PRDX6: variants seen among roughly 807,000 people sequenced by gnomAD.
PRDX6 encodes the protein peroxiredoxin-6.
In PRDX6, 13 loss-of-function variants were observed where a neutral mutation model predicts 20.0. That is an observed-to-expected ratio of 0.65 (90% CI 0.42 to 1.03). The LOEUF (loss-of-function observed/expected upper bound fraction) is 1.03, where lower values mean the gene tolerates loss of function less well. Ranked by LOEUF, PRDX6 falls within the 50% of genes least tolerant of loss-of-function variation. The probability of loss-of-function intolerance (pLI) is 0.00; values close to 1 mark genes in which losing one functional copy is unlikely to be tolerated. For missense variants in PRDX6, 203 were observed against 276.9 expected (o/e 0.73, Z 1.89); for synonymous variants, 85 against 100.8 (o/e 0.84, Z 0.94).
Position 173,487,764 on chromosome 1 carries a change from C to G in PRDX6, c.576C>G (p.Thr192=), listed in dbSNP as rs1658924173. ...KDGDSVMVLP[T]IPEEEAKKLF... ...GGGATAGTGTGATGGTCCTTCCAACCATCCCTGAAGAAGAAGCCAAAAAAC... is the reference window on the plus strand; with the variant it reads ...GGGATAGTGTGATGGTCCTTCCAACGATCCCTGAAGAAGAAGCCAAAAAAC... Residue 192 remains threonine (T), a synonymous_variant, in exon 5 of 5, where the codon ACC becomes ACG. Coordinates refer to ENST00000340385, the MANE Select transcript of PRDX6 (RefSeq NM_004905.3). The G allele has an allele frequency of 1.2e-6, 2 of 1,613,954 alleles. No homozygotes were observed. The highest frequency in any genetic ancestry group is 2.7e-5 in the African/African-American group (2 of 74,892).
intron 4 of PRDX6, 75 bp from the exon 5 acceptor site, chr1:173,487,660 T>G: frequency 6.5e-7 from 1 of 1,548,300 alleles, no homozygotes; most frequent in Non-Finnish European, 8.8e-7. Context: ...TAGCTACTTT[T>G]CTAAAGTTAA....
At chr1:173,482,021 TA>T (rs1321686167) in intron 2 of PRDX6, 1 of 152,984 alleles carries the variant, frequency 6.5e-6, no homozygotes, top group Admixed American at 6.5e-5. Flanking sequence ...CATGTCTAAC[TA>T]GGCCTCATTC....
chr1:173,477,568 C>A, intron 1 of PRDX6, 76 bp downstream of exon 1: 1 of 1,245,690 alleles, frequency 8.0e-7, no homozygotes, highest in Non-Finnish European at 1.1e-6. Context: ...TTTCTTCTCC[C>A]TGCCGTCCTC....
chr1:173,479,332 A>C (rs1037994785), intron 1 of PRDX6, among the ~76,000 whole-genome samples: 6 of 152,210 alleles, frequency 3.9e-5, no homozygotes, highest in Non-Finnish European at 8.8e-5. Flanking sequence ...CGGGAAGAGA[A>C]GTTTGAGCCT....
Position 173,486,396 on chromosome 1 carries a change from T to G in PRDX6, c.541T>G (p.Trp181Gly). 1 of 1,605,124 alleles carries G rather than the reference T, an allele frequency of 6.2e-7. No homozygotes were observed. The highest frequency in any genetic ancestry group is 8.5e-7 in the Non-Finnish European group (1 of 1,176,306). Residue 181 changes from tryptophan to glycine, a missense_variant, in exon 4 of 5, where the codon TGG becomes GGG. Physicochemically the swap from Trp to Gly is radical, Grantham distance 184. Coordinates refer to ENST00000340385, the MANE Select transcript of PRDX6 (RefSeq NM_004905.3). ...AAAAAGGGTTGCCACCCCAGTTGAT[T>G]GGAAGGTAAAGATGTTTTTAAAAAG... is the stretch of plus-strand genomic sequence containing the variant. ...AEKRVATPVDWKDGDSVMVLP... is the reference protein window; with the variant it reads ...AEKRVATPVDGKDGDSVMVLP...
At chr1:173,484,923 A>T (rs1658872217) in intron 2 of PRDX6, among the ~76,000 whole-genome samples, 1 of 151,566 alleles carries the variant, frequency 6.6e-6, no homozygotes, top group Non-Finnish European at 1.5e-5. Flanking sequence ...GGTAGGGACC[A>T]GATCTATAAG....
At position 173,488,067 on chromosome 1, in the gene PRDX6, A is replaced by C; in HGVS notation, c.*204A>C. ...GCCTTCAGCAATCAATTCCATTCAT[A>C]CATCAGCACTCTGCTGGTTCTGTTT... On this transcript the variant is annotated 3_prime_UTR_variant, in exon 5 of 5. Coordinates refer to ENST00000340385, the MANE Select transcript of PRDX6 (RefSeq NM_004905.3). 1 of 575,338 alleles carries C rather than the reference A, an allele frequency of 1.7e-6. No individual in the cohort carries two copies. The highest frequency in any genetic ancestry group is 3.0e-6 in the Non-Finnish European group (1 of 330,850). The allele number at this position is 575,338 out of a possible 1,614,324, so 35.6% of individuals were successfully genotyped here.
At chr1:173,486,202 C>T in intron 3 of PRDX6, 53 bp from the exon 4 acceptor site, 1 of 1,479,816 alleles carries the variant, frequency 6.8e-7, no homozygotes, top group Non-Finnish European at 9.0e-7. Flanking sequence ...TTCTAAGTGG[C>T]TTTAATAACA....
intron 2 of PRDX6, among the ~76,000 whole-genome samples, chr1:173,484,650 T>C (rs1469170621): frequency 1.3e-5 from 2 of 152,152 alleles, no homozygotes; most frequent in Non-Finnish European, 2.9e-5. Flanking sequence ...TAGAAATAAA[T>C]GGATGAATAA....
intron 4 of PRDX6, 27 bp from the exon 5 acceptor site, chr1:173,487,708 T>A: frequency 3.1e-6 from 5 of 1,612,094 alleles, no homozygotes; most frequent in Non-Finnish European, 4.2e-6. Flanking sequence ...GAGATTGAAT[T>A]TCACCATTCT....
intron 2 of PRDX6, among the ~76,000 whole-genome samples, chr1:173,484,727 C>T (rs964272592): frequency 7.9e-5 from 12 of 151,704 alleles, no homozygotes; most frequent in Non-Finnish European, 1.5e-4. Context: ...GCTTTGTTTT[C>T]TCTTTGAATT....
chr1:173,480,293 C>T (rs1205509191), intron 1 of PRDX6, among the ~76,000 whole-genome samples: 1 of 152,174 alleles, frequency 6.6e-6, no homozygotes, highest in Non-Finnish European at 1.5e-5. Context: ...TGCTTGTTCT[C>T]TGTGCTCAGG....
chr1:173,481,289 C>G, intron 1 of PRDX6, 37 bp from the exon 2 acceptor site: 1 of 1,588,284 alleles, frequency 6.3e-7, no homozygotes, highest in South Asian at 1.1e-5. Flanking sequence ...GGTGATAACT[C>G]TTAATTCAAT....
rs1308401402 is a variant in PRDX6, at chr1:173,488,807, G to T, written c.*944G>T. The T allele has an allele frequency of 6.6e-6, 1 of 152,182 alleles. No homozygotes were observed. Among genetic ancestry groups the T allele is most frequent in the African/African-American group, 2.4e-5 (1 of 41,440 alleles). The allele number at this position is 152,182 out of a possible 1,614,324, so 9.4% of individuals were successfully genotyped here. On this transcript the variant is annotated 3_prime_UTR_variant, in exon 5 of 5. Transcript: ENST00000340385. The stretch of plus-strand genomic sequence containing the variant: ...AAATAAAATCCTTTGTTAAAACTGG[G>T]TCAGAGAATTCTGTTGTCATATTTT...
At chr1:173,479,853 GT>G (rs754557530) in intron 1 of PRDX6, among the ~76,000 whole-genome samples, 3 of 152,164 alleles carry the variant, frequency 2.0e-5, no homozygotes, top group Non-Finnish European at 4.4e-5. Flanking sequence ...CTTAAAACCA[GT>G]TCCTTTTGCA....
intron 1 of PRDX6, 50 bp downstream of exon 1, chr1:173,477,542 G>T: frequency 2.8e-6 from 4 of 1,442,378 alleles, no homozygotes; most frequent in Non-Finnish European, 3.8e-6. Flanking sequence ...CGCCGGACTC[G>T]GAGGTGCCTT....
At chr1:173,487,651 A>G in intron 4 of PRDX6, 84 bp from the exon 5 acceptor site, 1 of 1,475,966 alleles carries the variant, frequency 6.8e-7, no homozygotes. Context: ...TAGCACCTGT[A>G]GCTACTTTTC....
chr1:173,484,323 C>T (rs1350935829), intron 2 of PRDX6, among the ~76,000 whole-genome samples: 2 of 151,292 alleles, frequency 1.3e-5, no homozygotes, highest in Non-Finnish European at 2.9e-5. Flanking sequence ...ACCCATCCTT[C>T]AAGGGCCTAG....
intron 1 of PRDX6, 90 bp from the exon 2 acceptor site, chr1:173,481,236 G>T (rs1658795894): frequency 2.3e-6 from 3 of 1,299,952 alleles, no homozygotes; most frequent in Non-Finnish European, 3.2e-6. Context: ...AAGAAAGCCT[G>T]TTTTTGATCC....
Sources: gnomAD v4.1 joint callset for allele counts (sites outside exome capture counted in the v4.1 genomes callset) on GRCh38, gnomAD v4.1.1 for gene constraint, MANE v1.5 for transcripts, NCBI Gene and HGNC (gene_info 2026-07-23, HGNC 2026-07-21) for gene names.